The following KCNH5 variants were observed in gnomAD, a reference collection of about 807,000 sequenced individuals.
KCNH5 encodes the protein potassium voltage-gated channel subfamily H member 5.
KCNH5 carries 46 observed loss-of-function variants against 96.1 expected under a neutral mutation model. The observed-to-expected ratio is 0.48, with a 90% CI of 0.38 to 0.61. The LOEUF (loss-of-function observed/expected upper bound fraction) is 0.61. KCNH5 is among the 20% of genes least tolerant of loss of function. The pLI, the probability that KCNH5 is intolerant of heterozygous loss-of-function variation, is 0.00. For synonymous variants in KCNH5, 439 were observed against 449.8 expected (o/e 0.98, Z 0.30); for missense variants, 907 against 1,225.8 (o/e 0.74, Z 3.88).
intron 6 of KCNH5, among the ~76,000 whole-genome samples, chr14:62,975,092 C>A (rs1239065689): frequency 1.3e-5 from 2 of 152,116 alleles, no homozygotes. Flanking sequence ...AAACTGAGAA[C>A]CAGAGTAACC....
At chr14:62,913,530 C>CTT (rs972493040) in intron 7 of KCNH5, among the ~76,000 whole-genome samples, 32 of 149,076 alleles carry the variant, frequency 2.1e-4, no homozygotes, top group African/African-American at 8.0e-4. Context: ...CCGGCCAAAA[C>CTT]TTTTTATATT....
At chr14:62,889,354 C>A (rs1595671713) in intron 7 of KCNH5, among the ~76,000 whole-genome samples, 1 of 152,138 alleles carries the variant, frequency 6.6e-6, no homozygotes, top group African/African-American at 2.4e-5. Context: ...GCTTACATCC[C>A]AGCAGAGCAT....
chr14:62,750,392 G>T (rs1169469404), intron 10 of KCNH5, among the ~76,000 whole-genome samples: 5 of 152,312 alleles, frequency 3.3e-5, no homozygotes, highest in Middle Eastern at 6.8e-3. Context: ...CAGCCAGAAA[G>T]CTCTTGAATT....
chr14:63,044,767 G>C (rs1162920575), intron 1 of KCNH5, among the ~76,000 whole-genome samples: 1 of 152,128 alleles, frequency 6.6e-6, no homozygotes, highest in East Asian at 1.9e-4. Context: ...GCTCACTTTG[G>C]GGAAAAATGT....
intron 8 of KCNH5, among the ~76,000 whole-genome samples, chr14:62,846,231 T>A (rs370971354): frequency 1.3e-5 from 2 of 152,202 alleles, no homozygotes; most frequent in African/African-American, 4.8e-5. Flanking sequence ...CTTCCATAAA[T>A]TACTTATGTC....
chr14:62,926,375 TA>T (rs1254804526), intron 7 of KCNH5, among the ~76,000 whole-genome samples: 4 of 152,080 alleles, frequency 2.6e-5, no homozygotes, highest in African/African-American at 4.8e-5. Context: ...TTAGGAAATC[TA>T]AAGTCCCCAA....
At chr14:62,726,468 T>A (rs921953796) in intron 10 of KCNH5, among the ~76,000 whole-genome samples, 1 of 151,984 alleles carries the variant, frequency 6.6e-6, no homozygotes, top group Admixed American at 6.6e-5. Context: ...ATAATTCCAA[T>A]AGAAAATGAG....
At chr14:62,857,857 T>C (rs573886624) in intron 7 of KCNH5, among the ~76,000 whole-genome samples, 6 of 152,254 alleles carry the variant, frequency 3.9e-5, no homozygotes, top group East Asian at 3.9e-4. Context: ...ACACTCATTA[T>C]TACCCATCAC....
chr14:62,747,968 C>T (rs942996100), intron 10 of KCNH5, among the ~76,000 whole-genome samples: 2 of 152,152 alleles, frequency 1.3e-5, no homozygotes, highest in African/African-American at 4.8e-5. Context: ...ATTTCAAGCA[C>T]ACTGCATTGC....
At chr14:62,870,356 A>G (rs549293152) in intron 7 of KCNH5, among the ~76,000 whole-genome samples, 2 of 152,336 alleles carry the variant, frequency 1.3e-5, no homozygotes, top group South Asian at 4.2e-4. Flanking sequence ...TGCTATATAT[A>G]CAAATGTCAT....
chr14:62,941,048 GTT>G (rs928906435), intron 7 of KCNH5, among the ~76,000 whole-genome samples: 3 of 152,132 alleles, frequency 2.0e-5, no homozygotes, highest in Non-Finnish European at 2.9e-5. Flanking sequence ...TGATTTTCTT[GTT>G]TGACCCTCTT....
intron 8 of KCNH5, among the ~76,000 whole-genome samples, chr14:62,848,811 G>A (rs760982902): frequency 6.6e-6 from 1 of 152,064 alleles, no homozygotes; most frequent in African/African-American, 2.4e-5. Context: ...AAAGTATTAT[G>A]CCATCTAATT....
intron 7 of KCNH5, among the ~76,000 whole-genome samples, chr14:62,920,219 G>A (rs1889353976): frequency 1.3e-5 from 2 of 152,128 alleles, no homozygotes; most frequent in Non-Finnish European, 1.5e-5. Context: ...TGGAGGGATA[G>A]GGAAAAGAAG....
intron 10 of KCNH5, among the ~76,000 whole-genome samples, chr14:62,711,008 A>G (rs551728540): frequency 3.9e-5 from 6 of 152,202 alleles, no homozygotes; most frequent in Non-Finnish European, 5.9e-5. Context: ...TGCAGAGACT[A>G]TAATGAAAGA....
At chr14:62,829,005 T>G (rs1887285266) in intron 8 of KCNH5, among the ~76,000 whole-genome samples, 1 of 152,124 alleles carries the variant, frequency 6.6e-6, no homozygotes, top group African/African-American at 2.4e-5. Context: ...ACAAAGGAGT[T>G]CCAGGACTTT....
chr14:62,732,930 T>C (rs1885081564), intron 10 of KCNH5, among the ~76,000 whole-genome samples: 1 of 151,944 alleles, frequency 6.6e-6, no homozygotes, highest in Non-Finnish European at 1.5e-5. Flanking sequence ...TCTTCTATTC[T>C]CTCTCATCTC....
chr14:62,861,146 G>T (rs1053359711), intron 7 of KCNH5, among the ~76,000 whole-genome samples: 1 of 152,206 alleles, frequency 6.6e-6, no homozygotes, highest in Non-Finnish European at 1.5e-5. Flanking sequence ...AGCTGGACAA[G>T]GGTCAACACC....
chr14:62,784,337 G>A (rs187089327), intron 9 of KCNH5, among the ~76,000 whole-genome samples: 6 of 152,256 alleles, frequency 3.9e-5, no homozygotes, highest in Admixed American at 2.0e-4. Context: ...ACAATTCAAG[G>A]TGAGATTTGG....
intron 5 of KCNH5, 30 bp downstream of exon 5, chr14:62,987,042 C>G: frequency 6.7e-7 from 1 of 1,485,026 alleles, no homozygotes; most frequent in Non-Finnish European, 9.4e-7. Context: ...ACACCACCAT[C>G]TTGGGAAGCA....
Sources: allele counts gnomAD v4.1 joint callset (sites outside exome capture counted in the v4.1 genomes callset), GRCh38; gene constraint gnomAD v4.1.1; transcripts MANE v1.5; gene names NCBI Gene and HGNC (gene_info 2026-07-23, HGNC 2026-07-21).